The following TOP2A variants were observed in gnomAD, a reference collection of about 807,000 sequenced individuals.
TOP2A encodes the protein DNA topoisomerase II alpha.
In TOP2A, 68 loss-of-function variants were observed where a neutral mutation model predicts 187.2. The observed-to-expected ratio is 0.36, with a 90% CI of 0.30 to 0.44. TOP2A has a LOEUF of 0.44. TOP2A is among the 20% of genes least tolerant of loss of function. The pLI is 1.00. For missense variants in TOP2A, 1,196 were observed against 1,808.7 expected (o/e 0.66, Z 6.14); for synonymous variants, 542 against 593.2 (o/e 0.91, Z 1.25).
chr17:40,400,728 C>A, intron 21 of TOP2A, 65 bp from the exon 22 acceptor site: 5 of 1,538,552 alleles, frequency 3.2e-6, no homozygotes, highest in Non-Finnish European at 4.4e-6. Flanking sequence ...ATCACAACAG[C>A]GTTTAACAAT....
chr17:40,406,747 T>C (rs2035250698), intron 14 of TOP2A, 58 bp from the exon 15 acceptor site: 23 of 1,566,804 alleles, frequency 1.5e-5, no homozygotes, highest in Non-Finnish European at 2.0e-5. Context: ...TGTATACCAC[T>C]ACATGTGACG....
rs573273894 is a variant in TOP2A, at chr17:40,405,092, C to T, written c.1954-209G>A. The stretch of plus-strand genomic sequence containing the variant: ...GCAACCTCTGCGTCCTAGGTTCAAG[C>T]GATTCTCCTGCCTCAGCCTCCTGAG... On this transcript the variant is annotated intron_variant, in intron 16 of 34. Coordinates refer to ENST00000423485, the MANE Select transcript of TOP2A (RefSeq NM_001067.4). 9.3e-5 allele frequency among the ~76,000 whole-genome samples: 14 copies of T among 151,222 alleles called. No individual in the cohort carries two copies. In the East Asian group the frequency reaches 2.7e-3, roughly 29 times the overall value.
Position 40,411,575 on chromosome 17 carries a change from T to C in TOP2A, c.963+70A>G, listed in dbSNP as rs1340949571. The C allele has an allele frequency of 1.9e-6, 3 of 1,558,266 alleles. No individual in the cohort carries two copies. The highest frequency in any genetic ancestry group is 2.6e-6 in the Non-Finnish European group (3 of 1,136,168). Reference sequence around the variant, plus strand: ...TAGCCCAATATTCAAGTCCACTTTATATATTAAAAACAATAAGAACACATA... The same window carrying C: ...TAGCCCAATATTCAAGTCCACTTTACATATTAAAAACAATAAGAACACATA... On this transcript the variant is annotated intron_variant, in intron 8 of 34. Coordinates refer to ENST00000423485, the MANE Select transcript of TOP2A (RefSeq NM_001067.4). This position sits in a 1 kb window ranked among gnomAD's most constrained non-coding sequence, Gnocchi z 4.4.
In TOP2A at chr17:40,416,776, T is replaced by C; in HGVS notation, c.141A>G (p.Pro47=). Residue 47 remains proline (P), a synonymous_variant, in exon 2 of 35, where the codon CCA becomes CCG. Coordinates refer to ENST00000423485, the MANE Select transcript of TOP2A (RefSeq NM_001067.4). Reference sequence around the variant, plus strand: ...ATTCCACAGAACCAATGTAGGTGTCTGGGCGGAGCAAAATATGTTCCAATT... The same window carrying C: ...ATTCCACAGAACCAATGTAGGTGTCCGGGCGGAGCAAAATATGTTCCAATT... ...KTQLEHILLR[P]DTYIGSVELV... is the part of the protein sequence containing the mutation. 5 of 1,613,438 alleles carry C rather than the reference T, an allele frequency of 3.1e-6. No homozygotes were observed. The highest frequency in any genetic ancestry group is 4.2e-6 in the Non-Finnish European group (5 of 1,179,724).
At position 40,408,623 on chromosome 17, in the gene TOP2A, C is replaced by A. The variant is rs748185039; in HGVS notation, c.1211G>T (p.Gly404Val). The A allele has an allele frequency of 1.2e-6, 2 of 1,613,710 alleles. No individual in the cohort carries two copies. Among genetic ancestry groups the A allele is most frequent in the Non-Finnish European group, 8.5e-7 (1 of 1,179,808 alleles). The change falls in exon 11 of 35, where the codon GGC (glycine) becomes GTC (valine). Residue 404 changes from glycine (G) to valine (V), a missense_variant. By Grantham distance (109) the Gly-to-Val change is moderately radical. Transcript: ENST00000423485. ...TAGTATGCTTTCTACAATACCACAG[C>A]CAATGGCCTGAAAACGAGAAGATTC... ...LSEKFIKAAI[G>V]CGIVESILNW...
intron 1 of TOP2A, 107 bp downstream of exon 1, chr17:40,417,664 C>G: frequency 6.4e-7 from 1 of 1,571,190 alleles, no homozygotes; most frequent in Non-Finnish European, 8.6e-7. Flanking sequence ...GCTCCCAAGC[C>G]GGTCGCCGGC....
intron 11 of TOP2A, 150 bp from the exon 12 acceptor site, chr17:40,408,274 C>T: frequency 3.7e-6 from 3 of 800,774 alleles, no homozygotes; most frequent in Non-Finnish European, 5.7e-6. Context: ...ATAATATAAA[C>T]ATTCTTGTTT....
chr17:40,399,055 T>C lies in TOP2A; in HGVS notation c.3273A>G (p.Lys1091=). The C allele has an allele frequency of 6.3e-7, 1 of 1,591,572 alleles. No individual in the cohort carries two copies. The highest frequency in any genetic ancestry group is 8.6e-7 in the Non-Finnish European group (1 of 1,167,352). The change falls in exon 25 of 35, where the codon AAA becomes AAG. Residue 1091 remains lysine, a synonymous_variant. Transcript: ENST00000423485. ...CCAAGATTACCTTTTGCTGGGCTTC[T>C]TTCCAGGCCTTCACAGGATCCGAAT... ...GYDSDPVKAW[K]EAQQKVPDEE... is the part of the protein sequence containing the mutation.
At chr17:40,392,468 C>A in intron 30 of TOP2A, 117 bp downstream of exon 30, 1 of 1,476,464 alleles carries the variant, frequency 6.8e-7, no homozygotes, top group Non-Finnish European at 9.2e-7. Flanking sequence ...TGTTTCAAAG[C>A]TTTAACATAA....
chr17:40,397,198 T>C (rs1336925686), intron 27 of TOP2A, among the ~76,000 whole-genome samples: 1 of 152,054 alleles, frequency 6.6e-6, no homozygotes, highest in Non-Finnish European at 1.5e-5. Flanking sequence ...TTTTCTTATG[T>C]TAAAATAATG....
rs2035386452 is a variant in TOP2A at position 40,416,059 on chromosome 17, G to A, written c.278C>T (p.Ala93Val). The change falls in exon 4 of 35, where the codon GCG becomes GTG. Residue 93 changes from alanine (A) to valine (V), a missense_variant. Ala to Val is a moderately conservative substitution (Grantham distance 64). Transcript: ENST00000423485. ...KIFDEILVNAADNKQRDPKMS... is the reference protein window; with the variant it reads ...KIFDEILVNAVDNKQRDPKMS... The stretch of plus-strand genomic sequence containing the variant: ...TTTTGGGTCCCTTTGTTTGTTGTCC[G>A]CAGCATTAACTGAAAGAAAATAAAA... The A allele has an allele frequency of 1.9e-6, 3 of 1,576,490 alleles. No homozygotes were observed. Among genetic ancestry groups the A allele is most frequent in the South Asian group, 2.3e-5 (2 of 87,132 alleles).
chr17:40,398,544 T>A lies in TOP2A; in HGVS notation c.3537+14A>T. 1 of 1,555,942 alleles carries A rather than the reference T, an allele frequency of 6.4e-7. No individual in the cohort carries two copies. The highest frequency in any genetic ancestry group is 8.7e-7 in the Non-Finnish European group (1 of 1,148,744). ...TTAATAAAAATTCTAACATGGGCAT[T>A]ATAAACTACATACCTCCAATTCTTC... On this transcript the variant is annotated intron_variant, in intron 27 of 34. Coordinates refer to ENST00000423485, the MANE Select transcript of TOP2A (RefSeq NM_001067.4).
chr17:40,412,745 AG>A lies in TOP2A; in HGVS notation c.789+13del. The A allele has an allele frequency of 1.2e-6, 2 of 1,605,232 alleles. No individual in the cohort carries two copies. The highest frequency in any genetic ancestry group is 1.7e-6 in the Non-Finnish European group (2 of 1,172,700). On this transcript the variant is annotated intron_variant, in intron 7 of 34. Transcript: ENST00000423485. ...AAATCCCTTATTATCCTTAACATCCAGGAAAATACTCACTGGCAGTTTATTT... is the reference window on the plus strand; with the variant it reads ...AAATCCCTTATTATCCTTAACATCCAGAAAATACTCACTGGCAGTTTATTT...
chr17:40,401,728 A>T (rs893631722), intron 20 of TOP2A, among the ~76,000 whole-genome samples: 4 of 152,086 alleles, frequency 2.6e-5, no homozygotes, highest in Admixed American at 6.6e-5. Flanking sequence ...AAAAAACAAC[A>T]AAAAACAAAC....
intron 11 of TOP2A, 121 bp from the exon 12 acceptor site, chr17:40,408,245 A>C: frequency 1.2e-6 from 1 of 853,192 alleles, no homozygotes. Context: ...GAGCAAAATT[A>C]TTTGTTAGGT....
At position 40,391,301 on chromosome 17, in the gene TOP2A, A is replaced by C; in HGVS notation, c.4267+205T>G. ...GAACAAGGAGTTTGATCTGTAACTG[A>C]ACAATCAATAGAGATAACTTACTGT... On this transcript the variant is annotated intron_variant, in intron 33 of 34. Coordinates refer to ENST00000423485, the MANE Select transcript of TOP2A (RefSeq NM_001067.4). 5 of 519,350 alleles carry C rather than the reference A, an allele frequency of 9.6e-6. No homozygotes were observed. In the South Asian group the frequency reaches 1.4e-4, roughly 15 times the overall value. The allele number at this position is 519,350 out of a possible 1,614,324, so 32.2% of individuals were successfully genotyped here. A position where few individuals can be genotyped will look rare whatever the true frequency, so the allele number is the denominator to read the frequency against.
intron 10 of TOP2A, among the ~76,000 whole-genome samples, chr17:40,409,795 A>AG (rs1301202248): frequency 6.6e-6 from 1 of 151,422 alleles, no homozygotes; most frequent in African/African-American, 2.4e-5. Context: ...AAAAAAAAAA[A>AG]AAGACTGGGC....
chr17:40,411,548 G>C lies in TOP2A; in HGVS notation c.964-93C>G, dbSNP rs1037202183. On this transcript the variant is annotated intron_variant, in intron 8 of 34. Transcript: ENST00000423485. This position sits in a 1 kb window ranked among gnomAD's most constrained non-coding sequence, Gnocchi z 4.4. ...ACTAATTTAACCTCCTTTATACTAAGCTAGCCCAATATTCAAGTCCACTTT... is the reference window on the plus strand; with the variant it reads ...ACTAATTTAACCTCCTTTATACTAACCTAGCCCAATATTCAAGTCCACTTT... 1.2e-5 allele frequency: 19 copies of C among 1,543,568 alleles called. No homozygotes were observed. Among genetic ancestry groups the C allele is most frequent in the Non-Finnish European group, 1.5e-5 (17 of 1,118,822 alleles).
Position 40,413,642 on chromosome 17 carries a change from GA to G in TOP2A, c.333-18del, listed in dbSNP as rs1341775514. On this transcript the variant is annotated intron_variant, in intron 4 of 34. Transcript: ENST00000423485. The stretch of plus-strand genomic sequence containing the variant: ...TTGTTTTCCCTAAGAAAAAAAGATT[GA>G]AAATTGTATTTTACAACACATTAAA... The G allele has an allele frequency of 4.2e-6, 5 of 1,204,312 alleles. No individual in the cohort carries two copies. The East Asian group carries it at 1.3e-4, about 32-fold the overall frequency. The allele number at this position is 1,204,312 out of a possible 1,614,324, so 74.6% of individuals were successfully genotyped here.
Sources: gnomAD v4.1 joint callset for allele counts (sites outside exome capture counted in the v4.1 genomes callset) on GRCh38, gnomAD v4.1.1 for gene constraint, Gnocchi (gnomAD v3.1) non-coding constraint, MANE v1.5 for transcripts, NCBI Gene and HGNC (gene_info 2026-07-23, HGNC 2026-07-21) for gene names.